PTPN14: variants seen among roughly 807,000 people sequenced by gnomAD.
PTPN14 encodes tyrosine-protein phosphatase non-receptor type 14.
In PTPN14, 53 loss-of-function variants were observed where a neutral mutation model predicts 126.8. That is an observed-to-expected ratio of 0.42 (90% CI 0.34 to 0.53). PTPN14 has a LOEUF of 0.53. Among genes scored for constraint, PTPN14 ranks in the 20% least tolerant of loss-of-function variants. The pLI is 0.08. For synonymous variants in PTPN14, 630 were observed against 599.3 expected (o/e 1.05, Z -0.75); for missense variants, 1,257 against 1,552.9 (o/e 0.81, Z 3.20).
At chr1:214,410,538 G>A (rs145780746) in intron 5 of PTPN14, among the ~76,000 whole-genome samples, 2,604 of 152,162 alleles carry the variant, frequency 0.017, 80 homozygotes, top group African/African-American at 0.059. Context: ...TGATCCGGCC[G>A]CCTAGGCCTC....
At chr1:214,503,308 TTGAAGA>T (rs1322597733) in intron 1 of PTPN14, among the ~76,000 whole-genome samples, 2 of 152,228 alleles carry the variant, frequency 1.3e-5, no homozygotes, top group Admixed American at 1.3e-4. Context: ...TATGTGAGTA[TTGAAGA>T]TGAAGTAGGA....
intron 1 of PTPN14, among the ~76,000 whole-genome samples, chr1:214,507,208 T>C (rs1213561550): frequency 1.3e-5 from 2 of 152,242 alleles, no homozygotes; most frequent in Non-Finnish European, 2.9e-5. Context: ...CCATTATTCA[T>C]TCTGAGCAGT....
At chr1:214,449,059 T>A (rs1660213508) in intron 3 of PTPN14, among the ~76,000 whole-genome samples, 1 of 140,884 alleles carries the variant, frequency 7.1e-6, no homozygotes, top group South Asian at 2.5e-4. Context: ...CAAGCTGGAC[T>A]GCAGTGGCGC....
chr1:214,414,356 A>T (rs1168234610), intron 4 of PTPN14, among the ~76,000 whole-genome samples: 1 of 152,244 alleles, frequency 6.6e-6, no homozygotes, highest in East Asian at 1.9e-4. Context: ...CCTGAAATGT[A>T]GCCTTAATTA....
chr1:214,492,928 G>A (rs1342008292), intron 1 of PTPN14, among the ~76,000 whole-genome samples: 1 of 151,668 alleles, frequency 6.6e-6, no homozygotes, highest in African/African-American at 2.4e-5. Context: ...GAATGCGGCA[G>A]AATTCACAAC....
At chr1:214,361,085 A>G (rs1423299016) in intron 18 of PTPN14, among the ~76,000 whole-genome samples, 1 of 152,200 alleles carries the variant, frequency 6.6e-6, no homozygotes, top group African/African-American at 2.4e-5. Context: ...TACAGCCTGC[A>G]GAATTATGAG....
chr1:214,409,150 T>C (rs1659239237), intron 5 of PTPN14, among the ~76,000 whole-genome samples: 1 of 152,214 alleles, frequency 6.6e-6, no homozygotes, highest in African/African-American at 2.4e-5. Flanking sequence ...ATACACATTA[T>C]TATCAACGAT....
At chr1:214,498,808 G>C (rs998778208) in intron 1 of PTPN14, among the ~76,000 whole-genome samples, 1 of 151,744 alleles carries the variant, frequency 6.6e-6, no homozygotes, top group Non-Finnish European at 1.5e-5. Context: ...TTTCCTGCGA[G>C]ATCCTTGTTC....
rs1558114719 is a variant in PTPN14 at position 214,464,623 on chromosome 1, C to A, written c.174+7G>T. Reference sequence around the variant, plus strand: ...CGCACATGCGCACACAGACACACCCCTCTTACCTCTCGCAGCTCCAGCCTC... The same window carrying A: ...CGCACATGCGCACACAGACACACCCATCTTACCTCTCGCAGCTCCAGCCTC... On this transcript the variant is annotated splice_region_variant and intron_variant, in intron 2 of 18. Coordinates refer to ENST00000366956, the MANE Select transcript of PTPN14 (RefSeq NM_005401.5). The A allele has an allele frequency of 5.0e-6, 8 of 1,613,888 alleles. No individual in the cohort carries two copies. Among genetic ancestry groups the A allele is most frequent in the Non-Finnish European group, 2.5e-6 (3 of 1,179,752 alleles).
intron 1 of PTPN14, among the ~76,000 whole-genome samples, chr1:214,502,037 C>T (rs980427674): frequency 8.5e-6 from 1 of 117,076 alleles, no homozygotes; most frequent in Admixed American, 1.2e-4. Flanking sequence ...CCAGCCTGGG[C>T]GACGGTGCAA....
chr1:214,504,897 A>T (rs749691751), intron 1 of PTPN14, among the ~76,000 whole-genome samples: 12 of 152,184 alleles, frequency 7.9e-5, no homozygotes, highest in Non-Finnish European at 1.3e-4. Context: ...CTGCATAAAG[A>T]GGGTGAAGGA....
At chr1:214,466,339 C>CT (rs918897463) in intron 1 of PTPN14, among the ~76,000 whole-genome samples, 1 of 151,708 alleles carries the variant, frequency 6.6e-6, no homozygotes, top group Non-Finnish European at 1.5e-5. Flanking sequence ...ACTCTTTGTC[C>CT]TTTTTTTAAC....
At chr1:214,452,379 A>G (rs1660291223) in intron 2 of PTPN14, among the ~76,000 whole-genome samples, 1 of 152,222 alleles carries the variant, frequency 6.6e-6, no homozygotes, top group African/African-American at 2.4e-5. Context: ...ACCTGCTGCA[A>G]TGTAACTTAT....
intron 1 of PTPN14, among the ~76,000 whole-genome samples, chr1:214,487,338 A>G (rs1661136853): frequency 6.6e-6 from 1 of 152,172 alleles, no homozygotes; most frequent in Admixed American, 6.5e-5. Context: ...AAAGACTATT[A>G]CATCCAGCTG....
chr1:214,368,666 A>G (rs1332872065), intron 17 of PTPN14, among the ~76,000 whole-genome samples: 1 of 152,146 alleles, frequency 6.6e-6, no homozygotes, highest in Admixed American at 6.5e-5. Flanking sequence ...TCCCTGTCCC[A>G]AACAGAAATG....
chr1:214,533,167 T>C (rs1655598333), intron 1 of PTPN14: 4 of 758,038 alleles, frequency 5.3e-6, no homozygotes, highest in Non-Finnish European at 9.1e-6. Context: ...GGAGGTCCGC[T>C]ACACCCTGCA....
intron 1 of PTPN14, among the ~76,000 whole-genome samples, chr1:214,479,341 CTT>C (rs368916343): frequency 1.5e-4 from 21 of 137,930 alleles, no homozygotes; most frequent in Middle Eastern, 3.8e-3. Flanking sequence ...AAAACCCTGT[CTT>C]TTTTTTTTTT....
intron 1 of PTPN14, among the ~76,000 whole-genome samples, chr1:214,541,409 G>A (rs1326259767): frequency 6.6e-6 from 1 of 152,186 alleles, no homozygotes; most frequent in Non-Finnish European, 1.5e-5. Flanking sequence ...CAAGAGCTAT[G>A]CAGAGCCCTG....
chr1:214,430,248 G>A (rs1030345475), intron 3 of PTPN14, among the ~76,000 whole-genome samples: 13 of 152,052 alleles, frequency 8.5e-5, no homozygotes, highest in South Asian at 2.1e-4. Context: ...GGGAGCTACC[G>A]CTTTAGGTAT....
Sources: gnomAD v4.1 joint callset for allele counts (sites outside exome capture counted in the v4.1 genomes callset) on GRCh38, gnomAD v4.1.1 for gene constraint, MANE v1.5 for transcripts, NCBI Gene and HGNC (gene_info 2026-07-23, HGNC 2026-07-21) for gene names.